GABRD: variants seen among roughly 807,000 people sequenced by gnomAD.
The protein encoded by GABRD is gamma-aminobutyric acid type A receptor subunit delta.
A neutral mutation model predicts 47.3 loss-of-function variants in GABRD; 25 were observed. That is an observed-to-expected ratio of 0.53 (90% CI 0.39 to 0.74). GABRD has a LOEUF of 0.74. Among genes scored for constraint, GABRD ranks in the 30% least tolerant of loss-of-function variants. The probability of loss-of-function intolerance (pLI) is 0.00; values close to 1 mark genes in which losing one functional copy is unlikely to be tolerated. For synonymous variants in GABRD, 314 were observed against 278.8 expected (o/e 1.13, Z -1.26); for missense variants, 497 against 643.4 (o/e 0.77, Z 2.46).
intron 7 of GABRD, 47 bp from the exon 8 acceptor site, chr1:2,029,504 C>T (rs370920369): frequency 3.8e-5 from 61 of 1,601,066 alleles, no homozygotes; most frequent in African/African-American, 8.0e-5. Context: ...TGGGATGGGG[C>T]GGCGTGAGGG....
rs552755317 is a variant in GABRD, at chr1:2,028,141, T to C, written c.554-14T>C. 1.6e-5 allele frequency: 25 copies of C among 1,603,162 alleles called. No individual in the cohort carries two copies. In the East Asian group the frequency reaches 5.4e-4, roughly 35 times the overall value. ...GGCCGGGCTCTGCCGCCCACCTGTG[T>C]GCTTTTCCTCCAGACGGTTACTCAT... On this transcript the variant is annotated splice_polypyrimidine_tract_variant and intron_variant, in intron 5 of 8. Transcript: ENST00000378585. This position sits in a 1 kb window ranked among gnomAD's most constrained non-coding sequence, Gnocchi z 6.4.
intron 1 of GABRD, chr1:2,024,004 C>A (rs1658853522): frequency 6.6e-6 from 1 of 152,440 alleles, no homozygotes; most frequent in Non-Finnish European, 1.5e-5. Flanking sequence ...GGACGCCTCA[C>A]CCCAATCTCT....
Position 2,030,274 on chromosome 1 carries a change from G to C in GABRD, c.1351G>C (p.Ala451Pro). 6.5e-7 allele frequency: 1 copy of C among 1,543,354 alleles called. No homozygotes were observed. The highest frequency in any genetic ancestry group is 8.8e-7 in the Non-Finnish European group (1 of 1,141,664). ...CAATGTCATCTACTGGGCGGCATAC[G>C]CCATGTGAGCACAGGACTCAGGCCA... ...AVNVIYWAAY[A>P]M Residue 451 changes from alanine (A) to proline (P), a missense_variant, in exon 9 of 9, where the codon GCC (alanine) becomes CCC (proline). Physicochemically the swap from Ala to Pro is conservative, Grantham distance 27 (BLOSUM62 -1). Transcript: ENST00000378585.
chr1:2,030,030 C>A lies in GABRD; in HGVS notation c.1107C>A (p.Gly369=), dbSNP rs148300882. The A allele has an allele frequency of 1.4e-3, 2,316 of 1,612,632 alleles. 3 individuals are homozygous for A. Among genetic ancestry groups the A allele is most frequent in the Non-Finnish European group, 1.8e-3 (2,121 of 1,179,858 alleles). ...AIVLFSLSAA[G]VTQELAISRR... ...TCCTCTTCTCCCTCTCTGCTGCCGG[C>A]GTCACGCAGGAGCTGGCCATCTCCC... The change falls in exon 9 of 9, where the codon GGC becomes GGA. Residue 369 remains glycine (G), a synonymous_variant. Transcript: ENST00000378585.
intron 4 of GABRD, chr1:2,027,326 C>T (rs1277255973): frequency 3.7e-6 from 2 of 544,000 alleles, no homozygotes; most frequent in African/African-American, 3.8e-5. Flanking sequence ...CCGTAGGCCC[C>T]CAGCCTAGTT....
At chr1:2,019,531 G>A (rs1658716767) in intron 1 of GABRD, 40 bp downstream of exon 1, 1 of 1,086,172 alleles carries the variant, frequency 9.2e-7, no homozygotes, top group South Asian at 4.5e-5. Flanking sequence ...GTCGGGGGCG[G>A]TGGGGGGCCC....
chr1:2,025,936 G>T (rs535133244), intron 4 of GABRD, 198 bp downstream of exon 4: 3 of 600,018 alleles, frequency 5.0e-6, no homozygotes, highest in Admixed American at 5.9e-5. Flanking sequence ...CAAGGTCGCC[G>T]ACAGGAAGCC....
At position 2,028,612 on chromosome 1, in the gene GABRD, G is replaced by C. The variant is rs1300665244; in HGVS notation, c.691+320G>C. Among the ~76,000 whole-genome samples the C allele has an allele frequency of 6.6e-6, 1 of 152,182 alleles. No individual in the cohort carries two copies. The highest frequency in any genetic ancestry group is 1.5e-5 in the Non-Finnish European group (1 of 68,038). On this transcript the variant is annotated intron_variant, in intron 6 of 8. Coordinates refer to ENST00000378585, the MANE Select transcript of GABRD (RefSeq NM_000815.5). The surrounding 1 kb of genome is among the most constrained non-coding windows in gnomAD (Gnocchi z 6.4). ...AGCACTCCAGATTTATGGGAAACCA[G>C]AGGGTGTGGGGAGCTCTCTTAGCCC...
intron 2 of GABRD, 22 bp from the exon 3 acceptor site, chr1:2,025,312 T>G: frequency 6.2e-7 from 1 of 1,612,984 alleles, no homozygotes; most frequent in Non-Finnish European, 8.5e-7. Flanking sequence ...CAGTCCTTCT[T>G]AGTTCTGCTC....
At position 2,027,258 on chromosome 1, in the gene GABRD, C is replaced by T. The variant is rs186761400; in HGVS notation, c.471-319C>T. The T allele has an allele frequency of 3.3e-4, 144 of 437,928 alleles. 2 individuals carry two copies. The highest frequency in any genetic ancestry group is 6.8e-4 in the Middle Eastern group (1 of 1,480). 27.1% of individuals were successfully genotyped at this position (437,928 alleles called of 1,614,324 possible). A position where few individuals can be genotyped will look rare whatever the true frequency, so the allele number is the denominator to read the frequency against. On this transcript the variant is annotated intron_variant, in intron 4 of 8. Transcript: ENST00000378585. ...TGCGTGGCAACTCTGGGCCTATTCC[C>T]GTGTGTTCCTCAGCCATCGCTCGGG...
Position 2,030,138 on chromosome 1 carries a change from G to A in GABRD, c.1215G>A (p.Gly405=). Residue 405 remains glycine (G), a synonymous_variant, in exon 9 of 9, where the codon GGG becomes GGA. Coordinates refer to ENST00000378585, the MANE Select transcript of GABRD (RefSeq NM_000815.5). ...AGACAGGGGAGACGAAGAAGGAGGG[G>A]GCAGCCCGCTCAGGAGGCCAGGGGG... ...GVETGETKKE[G]AARSGGQGGI... 6.3e-7 allele frequency: 1 copy of A among 1,579,780 alleles called. No individual in the cohort carries two copies.
chr1:2,020,518 G>A (rs1003795719), intron 1 of GABRD, among the ~76,000 whole-genome samples: 1 of 152,236 alleles, frequency 6.6e-6, no homozygotes, highest in Non-Finnish European at 1.5e-5. Context: ...AGAAGGCCTG[G>A]GTCCAGCTGC....
rs1031482653 is a variant in GABRD, at chr1:2,029,988, C to T, written c.1065C>T (p.Asp355=). Residue 355 remains aspartate, a synonymous_variant, in exon 9 of 9, where the codon GAC becomes GAT. Coordinates refer to ENST00000378585, the MANE Select transcript of GABRD (RefSeq NM_000815.5). ...CCCCACCGGCCTTCGTGCAGATGGA[C>T]GTGAGGAACGCCATTGTCCTCTTCT... ...VKVSRPRAEM[D]VRNAIVLFSL... 8.1e-6 allele frequency: 13 copies of T among 1,612,512 alleles called. No individual in the cohort carries two copies. Among genetic ancestry groups the T allele is most frequent in the Middle Eastern group, 3.3e-4 (2 of 6,082 alleles).
chr1:2,029,278 C>T lies in GABRD; in HGVS notation c.847+12C>T, dbSNP rs770968835. On this transcript the variant is annotated intron_variant, in intron 7 of 8. Transcript: ENST00000378585. Reference sequence around the variant, plus strand: ...CAGGGTGTCTCTAGGTACGGGGCCTCGCCGCTGCTCCGAGGGAGCTGGAAG... The same window carrying T: ...CAGGGTGTCTCTAGGTACGGGGCCTTGCCGCTGCTCCGAGGGAGCTGGAAG... 12 of 1,549,228 alleles carry T rather than the reference C, an allele frequency of 7.7e-6. No homozygotes were observed. The highest frequency in any genetic ancestry group is 3.6e-5 in the South Asian group (3 of 84,358).
At chr1:2,029,048 T>C in intron 6 of GABRD, 63 bp from the exon 7 acceptor site, 1 of 1,529,150 alleles carries the variant, frequency 6.5e-7, no homozygotes, top group Non-Finnish European at 8.8e-7. Flanking sequence ...CTGCAGCCCC[T>C]GAGTCCCATG....
At position 2,028,964 on chromosome 1, in the gene GABRD, C is replaced by T. The variant is rs1171724967; in HGVS notation, c.692-147C>T. ...GCCGGAGGCCCCCTGACATTTCAGGCCATGTGGTTGGTGGGGAGGGCAGGG... is the reference window on the plus strand; with the variant it reads ...GCCGGAGGCCCCCTGACATTTCAGGTCATGTGGTTGGTGGGGAGGGCAGGG... On this transcript the variant is annotated intron_variant, in intron 6 of 8. Transcript: ENST00000378585. This position sits in a 1 kb window ranked among gnomAD's most constrained non-coding sequence, Gnocchi z 6.4. 3.0e-6 allele frequency: 3 copies of T among 993,368 alleles called. No individual in the cohort carries two copies. The highest frequency in any genetic ancestry group is 3.3e-5 in the African/African-American group (2 of 61,326). The allele number at this position is 993,368 out of a possible 1,614,324, so 61.5% of individuals were successfully genotyped here.
chr1:2,024,825 G>GC (rs1557444757), intron 1 of GABRD, 117 bp from the exon 2 acceptor site: 9 of 701,526 alleles, frequency 1.3e-5, no homozygotes, highest in East Asian at 8.2e-5. Flanking sequence ...TCCCACAGTG[G>GC]CCCCCCATGC....
intron 3 of GABRD, 28 bp from the exon 4 acceptor site, chr1:2,025,490 A>C (rs1557445326): frequency 1.2e-6 from 2 of 1,611,710 alleles, no homozygotes; most frequent in Non-Finnish European, 1.7e-6. Context: ...AGCAAGGCTG[A>C]CCCCCGGCCC....
At position 2,021,587 on chromosome 1, in the gene GABRD, C is replaced by T. The variant is rs566070280; in HGVS notation, c.68+2096C>T. Reference sequence around the variant, plus strand: ...GGAAGGGAGTGTGCTGCGTGGCGGCCGTGGGTCGGCCCGGAGTGTGAAGAC... The same window carrying T: ...GGAAGGGAGTGTGCTGCGTGGCGGCTGTGGGTCGGCCCGGAGTGTGAAGAC... On this transcript the variant is annotated intron_variant, in intron 1 of 8. Coordinates refer to ENST00000378585, the MANE Select transcript of GABRD (RefSeq NM_000815.5). 8.7e-4 allele frequency among the ~76,000 whole-genome samples: 133 copies of T among 152,270 alleles called. 3 individuals carry two copies. Among genetic ancestry groups the T allele is most frequent in the Admixed American group, 6.7e-3 (103 of 15,304 alleles).
Sources: allele counts gnomAD v4.1 joint callset (sites outside exome capture counted in the v4.1 genomes callset), GRCh38; gene constraint gnomAD v4.1.1; non-coding constraint Gnocchi (gnomAD v3.1); transcripts MANE v1.5; gene names NCBI Gene and HGNC (gene_info 2026-07-23, HGNC 2026-07-21).